Variants in ADGB observed in about 807,000 individuals in gnomAD.
ADGB encodes the protein androglobin.
A neutral mutation model predicts 210.5 loss-of-function variants in ADGB; 172 were observed. The ratio of observed to expected loss-of-function variants is 0.82; its 90% CI spans 0.72 to 0.93. The LOEUF (loss-of-function observed/expected upper bound fraction) is 0.93. ADGB is among the 40% of genes least tolerant of loss of function. The pLI, the probability that ADGB is intolerant of heterozygous loss-of-function variation, is 0.00. For missense variants in ADGB, 2,025 were observed against 1,964.8 expected (o/e 1.03, Z -0.58); for synonymous variants, 658 against 662.7 (o/e 0.99, Z 0.11).
chr6:146,724,222 T>C lies in ADGB; in HGVS notation c.2132T>C (p.Leu711Pro). The change falls in exon 18 of 36, where the codon CTT becomes CCT. Residue 711 changes from leucine (L) to proline (P), a missense_variant. By Grantham distance (98) the Leu-to-Pro change is moderately conservative. Coordinates refer to ENST00000397944, the MANE Select transcript of ADGB (RefSeq NM_024694.4). ...TKDSPPIEPGLLTAETFSWKS... is the reference protein window; with the variant it reads ...TKDSPPIEPGPLTAETFSWKS... ...GACAGTCCTCCCATAGAGCCTGGACTTCTCACAGCTGAAACGTTTTCTTGG... is the reference window on the plus strand; with the variant it reads ...GACAGTCCTCCCATAGAGCCTGGACCTCTCACAGCTGAAACGTTTTCTTGG... 6.4e-7 allele frequency: 1 copy of C among 1,551,136 alleles called. No homozygotes were observed. Among genetic ancestry groups the C allele is most frequent in the Non-Finnish European group, 8.7e-7 (1 of 1,146,738 alleles).
chr6:146,654,163 C>T lies in ADGB; in HGVS notation c.359C>T (p.Thr120Met), dbSNP rs765380601. The T allele has an allele frequency of 2.7e-5, 41 of 1,541,998 alleles. No individual in the cohort carries two copies. Among genetic ancestry groups the T allele is most frequent in the Non-Finnish European group, 3.2e-5 (37 of 1,140,678 alleles). The change falls in exon 4 of 36, where the codon ACG becomes ATG. Residue 120 changes from threonine (T) to methionine (M), a missense_variant. Physicochemically the swap from Thr to Met is moderately conservative, Grantham distance 81. Transcript: ENST00000397944. ...QTPVVVKNEITFDLFSANEHL... is the reference protein window; with the variant it reads ...QTPVVVKNEIMFDLFSANEHL... ...CCAGTAGTTGTGAAAAATGAAATCA[C>T]GTTTGACTTATTTTCAGCAAATGAA... is the stretch of plus-strand genomic sequence containing the variant.
chr6:146,794,643 G>T (rs755932971), intron 33 of ADGB, among the ~76,000 whole-genome samples: 1 of 151,978 alleles, frequency 6.6e-6, no homozygotes, highest in Non-Finnish European at 1.5e-5. Flanking sequence ...GGAAAGGGGG[G>T]TGGGACCTGG....
chr6:146,766,128 GGGGTGAGGGGGGCGGT>G (rs1379812821), intron 28 of ADGB, among the ~76,000 whole-genome samples: 1 of 152,090 alleles, frequency 6.6e-6, no homozygotes, highest in Non-Finnish European at 1.5e-5. Flanking sequence ...CAGGGTGGTA[GGGGTGAGGGGGGCGGT>G]GAGCGCAGTG....
rs115725766 is a variant in ADGB at position 146,750,113 on chromosome 6, T to C, written c.3366-2417T>C. On this transcript the variant is annotated intron_variant, in intron 26 of 35. Coordinates refer to ENST00000397944, the MANE Select transcript of ADGB (RefSeq NM_024694.4). ...TCTTCTCAGGTGCTGAGCTGGGAAG[T>C]TGGAAATGCAGTAGAGGCTGGACTG... Among the ~76,000 whole-genome samples the C allele has an allele frequency of 4.6e-3, 700 of 152,192 alleles. 1 individual carries two copies. The highest frequency in any genetic ancestry group is 0.016 in the African/African-American group (655 of 41,536).
intron 15 of ADGB, among the ~76,000 whole-genome samples, chr6:146,717,316 T>C (rs1049501514): frequency 3.3e-5 from 5 of 152,182 alleles, no homozygotes; most frequent in African/African-American, 1.2e-4. Context: ...GCCAAACCAA[T>C]CTTAGGCCAG....
At chr6:146,657,798 A>T (rs548234040) in intron 5 of ADGB, among the ~76,000 whole-genome samples, 1 of 152,324 alleles carries the variant, frequency 6.6e-6, no homozygotes, top group East Asian at 1.9e-4. Flanking sequence ...ATTTGTTTTC[A>T]TGTAAGCAAA....
At chr6:146,663,861 A>G (rs1775901509) in intron 5 of ADGB, among the ~76,000 whole-genome samples, 1 of 152,100 alleles carries the variant, frequency 6.6e-6, no homozygotes, top group Non-Finnish European at 1.5e-5. Context: ...GATTATGTCC[A>G]AGCTTATCCA....
At chr6:146,724,412 A>C in intron 18 of ADGB, 85 bp downstream of exon 18, 1 of 1,316,228 alleles carries the variant, frequency 7.6e-7, no homozygotes, top group Non-Finnish European at 1.0e-6. Flanking sequence ...AACAATATGG[A>C]CTCTAAGACA....
intron 35 of ADGB, among the ~76,000 whole-genome samples, chr6:146,811,589 A>G (rs915052032): frequency 1.3e-5 from 2 of 152,154 alleles, no homozygotes; most frequent in African/African-American, 4.8e-5. Context: ...TTTTTGATCA[A>G]TTACTTTCAG....
At chr6:146,690,129 C>T (rs1042098249) in intron 10 of ADGB, among the ~76,000 whole-genome samples, 1 of 152,122 alleles carries the variant, frequency 6.6e-6, no homozygotes, top group Non-Finnish European at 1.5e-5. Context: ...TACTATCTCA[C>T]GGGTCTCCTA....
intron 27 of ADGB, among the ~76,000 whole-genome samples, chr6:146,760,478 G>C (rs1562294409): frequency 2.0e-5 from 3 of 151,736 alleles, no homozygotes; most frequent in African/African-American, 7.3e-5. Context: ...CCATTGTATG[G>C]AGATACCACA....
Position 146,691,500 on chromosome 6 carries a change from A to ATTTTTTT in ADGB, c.1486+229_1486+235dup, listed in dbSNP as rs71031007. 3.4e-3 allele frequency among the ~76,000 whole-genome samples: 46 copies of ATTTTTTT among 13,640 alleles called. 13 individuals carry two copies. In the East Asian group the frequency reaches 0.04, roughly 12 times the overall value. The allele number at this position is 13,640 out of a possible 152,430, so 8.9% of individuals were successfully genotyped here. On this transcript the variant is annotated intron_variant, in intron 11 of 35. Coordinates refer to ENST00000397944, the MANE Select transcript of ADGB (RefSeq NM_024694.4). ...TAAATATATATATATATATATATAT[A>ATTTTTTT]TTTTTTTTTTTTTTTTTTTTTTTTT...
intron 9 of ADGB, among the ~76,000 whole-genome samples, chr6:146,677,345 A>G (rs1214117243): frequency 6.6e-6 from 1 of 152,126 alleles, no homozygotes; most frequent in African/African-American, 2.4e-5. Flanking sequence ...TTTATTAGCT[A>G]GTCAAAAATA....
chr6:146,670,871 C>A (rs1775997600), intron 7 of ADGB, among the ~76,000 whole-genome samples: 3 of 152,138 alleles, frequency 2.0e-5, no homozygotes, highest in Admixed American at 2.0e-4. Flanking sequence ...GTAAAAGATT[C>A]TTTGGGAACT....
intron 29 of ADGB, among the ~76,000 whole-genome samples, chr6:146,771,415 T>C (rs1203602437): frequency 6.6e-6 from 1 of 152,198 alleles, no homozygotes; most frequent in Non-Finnish European, 1.5e-5. Flanking sequence ...TTTATTTCTC[T>C]TTGCATGTTA....
intron 25 of ADGB, among the ~76,000 whole-genome samples, chr6:146,745,128 C>A (rs1583618743): frequency 6.6e-6 from 1 of 152,166 alleles, no homozygotes; most frequent in East Asian, 1.9e-4. Context: ...TTCATTCTGG[C>A]TTATATATAT....
intron 9 of ADGB, 38 bp from the exon 10 acceptor site, chr6:146,685,696 C>A: frequency 7.5e-7 from 1 of 1,326,594 alleles, no homozygotes; most frequent in South Asian, 1.6e-5. Context: ...CCGATTTTGA[C>A]TAGAATTTTC....
chr6:146,637,675 T>A (rs894980196), intron 2 of ADGB, among the ~76,000 whole-genome samples: 1 of 152,010 alleles, frequency 6.6e-6, no homozygotes, highest in African/African-American at 2.4e-5. Context: ...AGGTACATCT[T>A]GTACTCTGCC....
intron 25 of ADGB, among the ~76,000 whole-genome samples, chr6:146,742,599 T>A (rs1777177375): frequency 6.6e-6 from 1 of 152,330 alleles, no homozygotes; most frequent in South Asian, 2.1e-4. Flanking sequence ...ACTTATTGTT[T>A]TTGTTAATTA....
Sources: gnomAD v4.1 joint callset for allele counts (sites outside exome capture counted in the v4.1 genomes callset) on GRCh38, gnomAD v4.1.1 for gene constraint, MANE v1.5 for transcripts, NCBI Gene and HGNC (gene_info 2026-07-23, HGNC 2026-07-21) for gene names.